TMEM44: variants seen among roughly 807,000 people sequenced by gnomAD.
TMEM44 encodes the protein transmembrane protein 44.
Under a neutral mutation model 47.8 loss-of-function variants are expected in TMEM44, and 43 were observed. That is an observed-to-expected ratio of 0.90 (90% CI 0.70 to 1.16). The LOEUF (loss-of-function observed/expected upper bound fraction) is 1.16, where lower values mean the gene tolerates loss of function less well. Ranked by LOEUF, TMEM44 falls within the 50% of genes most tolerant of loss-of-function variation. The pLI is 0.00. For missense variants in TMEM44, 568 were observed against 555.2 expected (o/e 1.02, Z -0.23); for synonymous variants, 277 against 238.8 (o/e 1.16, Z -1.48).
chr3:194,622,445 G>C (rs1039296636), intron 5 of TMEM44: 2 of 152,092 alleles, frequency 1.3e-5, no homozygotes, highest in Non-Finnish European at 2.9e-5. Flanking sequence ...GCTCCCGGAG[G>C]GCAAGCGCTC....
intron 5 of TMEM44, among the ~76,000 whole-genome samples, chr3:194,619,046 C>A (rs573315375): frequency 2.0e-5 from 3 of 152,324 alleles, no homozygotes; most frequent in South Asian, 4.1e-4. Context: ...GTGCTTGGGG[C>A]CCCCCGACCT....
intron 5 of TMEM44, among the ~76,000 whole-genome samples, chr3:194,621,997 C>T (rs1716593745): frequency 6.6e-6 from 1 of 152,230 alleles, no homozygotes; most frequent in Non-Finnish European, 1.5e-5. Context: ...CAGGCATGAG[C>T]CACCGCACCC....
intron 4 of TMEM44, 57 bp downstream of exon 4, chr3:194,623,472 G>A: frequency 6.5e-7 from 1 of 1,530,990 alleles, no homozygotes; most frequent in Non-Finnish European, 8.8e-7. Flanking sequence ...ATCCCACCCT[G>A]GGCATTTGGC....
At position 194,623,579 on chromosome 3, in the gene TMEM44, A is replaced by G; in HGVS notation, c.475T>C (p.Ser159Pro). 1 of 1,610,356 alleles carries G rather than the reference A, an allele frequency of 6.2e-7. No individual in the cohort carries two copies. The highest frequency in any genetic ancestry group is 1.1e-5 in the South Asian group (1 of 90,898). ...WALWVAVPKA[S>P]ATIRGPQRRL... ...CGCTGTGGCCCCCGGATGGTGGCTGAAGCCTTCGGGACAGCAACCCACAGA... is the reference window on the plus strand; with the variant it reads ...CGCTGTGGCCCCCGGATGGTGGCTGGAGCCTTCGGGACAGCAACCCACAGA... The change falls in exon 4 of 10, where the codon TCA becomes CCA. Residue 159 changes from serine (S) to proline (P), a missense_variant. Ser to Pro is a moderately conservative substitution (Grantham distance 74, BLOSUM62 -1). Transcript: ENST00000347147.
chr3:194,593,008 C>T (rs751085763), intron 9 of TMEM44: 4 of 1,613,262 alleles, frequency 2.5e-6, no homozygotes, highest in Admixed American at 3.3e-5. Context: ...TAGGAAGTCC[C>T]TCCTGGAAGA....
chr3:194,612,638 A>T (rs1296759773), intron 7 of TMEM44, among the ~76,000 whole-genome samples: 1 of 152,098 alleles, frequency 6.6e-6, no homozygotes, highest in African/African-American at 2.4e-5. Context: ...AAAAATTGAA[A>T]TCTTAGAAAA....
At chr3:194,603,636 G>A (rs950429692) in intron 9 of TMEM44, among the ~76,000 whole-genome samples, 8 of 152,128 alleles carry the variant, frequency 5.3e-5, no homozygotes, top group Non-Finnish European at 8.8e-5. Context: ...GATCTCAGGT[G>A]ATCTGCCTGC....
intron 4 of TMEM44, 101 bp downstream of exon 4, chr3:194,623,428 G>C (rs111385079): frequency 1.9e-5 from 28 of 1,508,412 alleles, no homozygotes; most frequent in African/African-American, 1.1e-4. Flanking sequence ...TCCAACAAAG[G>C]AAGGCTTAAC....
intron 6 of TMEM44, chr3:194,616,358 G>A (rs910317253): frequency 1.2e-5 from 4 of 325,110 alleles, no homozygotes; most frequent in Non-Finnish European, 2.4e-5. Context: ...GGCCCAGACT[G>A]TGACCTTATT....
In TMEM44 at chr3:194,611,354, C is replaced by T. The variant is rs1411761768; in HGVS notation, c.913-334G>A. Among the ~76,000 whole-genome samples, 4 of 152,140 alleles carry T rather than the reference C, an allele frequency of 2.6e-5. No homozygotes were observed. Among genetic ancestry groups the T allele is most frequent in the African/African-American group, 9.7e-5 (4 of 41,426 alleles). On this transcript the variant is annotated intron_variant, in intron 7 of 9. Coordinates refer to ENST00000347147, the MANE Select transcript of TMEM44 (RefSeq NM_001011655.3). This position sits in a 1 kb window ranked among gnomAD's most constrained non-coding sequence, Gnocchi z 4.2. The stretch of plus-strand genomic sequence containing the variant: ...AGTGATCCACGAGTGATCCTCCCAC[C>T]TCGGCCTCCCAAAGTGCTGGGATGA...
At position 194,623,203 on chromosome 3, in the gene TMEM44, C is replaced by A. The variant is rs753799795; in HGVS notation, c.612+21G>T. 3.2e-5 allele frequency: 51 copies of A among 1,591,374 alleles called. 2 individuals carry two copies. In the South Asian group the frequency reaches 5.4e-4, roughly 17 times the overall value. Reference sequence around the variant, plus strand: ...GAGACTGTCATGTGACCCACAGTCCCATCCCCACCCCCGGCCTCACAATTC... The same window carrying A: ...GAGACTGTCATGTGACCCACAGTCCAATCCCCACCCCCGGCCTCACAATTC... On this transcript the variant is annotated intron_variant, in intron 5 of 9. Transcript: ENST00000347147.
intron 7 of TMEM44, among the ~76,000 whole-genome samples, chr3:194,613,460 G>A (rs1009232108): frequency 2.0e-5 from 3 of 151,798 alleles, no homozygotes; most frequent in African/African-American, 7.3e-5. Context: ...TTACAGGCAT[G>A]AGGCACCATG....
chr3:194,620,887 C>A (rs1037142336), intron 5 of TMEM44, among the ~76,000 whole-genome samples: 1 of 151,996 alleles, frequency 6.6e-6, no homozygotes, highest in African/African-American at 2.4e-5. Flanking sequence ...ATTAGCCGGG[C>A]GTGGTGGCGT....
intron 3 of TMEM44, among the ~76,000 whole-genome samples, chr3:194,625,043 G>A (rs1716992796): frequency 6.6e-6 from 1 of 151,946 alleles, no homozygotes; most frequent in Admixed American, 6.6e-5. Context: ...TTGAACAAGG[G>A]CCCAAGCACA....
chr3:194,604,401 G>C lies in TMEM44; in HGVS notation c.1062C>G (p.Ser354Arg). 3 of 1,540,284 alleles carry C rather than the reference G, an allele frequency of 1.9e-6. No homozygotes were observed. The highest frequency in any genetic ancestry group is 2.6e-6 in the Non-Finnish European group (3 of 1,138,992). ...GGTCCTGCAGGGACGCATCTCCGGCGCTCGTCTGCCCGTCACCTGGCAGCC... is the reference window on the plus strand; with the variant it reads ...GGTCCTGCAGGGACGCATCTCCGGCCCTCGTCTGCCCGTCACCTGGCAGCC... ...ATRLPGDGQT[S>R]AGDASLQDPP... The change falls in exon 9 of 10, where the codon AGC becomes AGG. Residue 354 changes from serine to arginine, a missense_variant. Ser to Arg is a moderately radical substitution (Grantham distance 110, BLOSUM62 -1). Transcript: ENST00000347147.
chr3:194,620,289 CAAAAAA>C, intron 5 of TMEM44, among the ~76,000 whole-genome samples: 1 of 55,026 alleles, frequency 1.8e-5, no homozygotes, highest in African/African-American at 6.5e-5. Flanking sequence ...AACTCCGACT[CAAAAAA>C]AAAAAAAAAA....
At chr3:194,606,408 A>C (rs1714781155) in intron 8 of TMEM44, among the ~76,000 whole-genome samples, 1 of 152,156 alleles carries the variant, frequency 6.6e-6, no homozygotes, top group Admixed American at 6.6e-5. Flanking sequence ...CTGTTTCCCC[A>C]CAGTCTTGCC....
chr3:194,589,336 C>T (rs957363870), intron 9 of TMEM44: 1 of 152,298 alleles, frequency 6.6e-6, no homozygotes, highest in Admixed American at 6.5e-5. Context: ...AATACCTCTT[C>T]CCCCAGGAAG....
At chr3:194,628,722 G>A (rs1039912102) in intron 1 of TMEM44, among the ~76,000 whole-genome samples, 2 of 152,174 alleles carry the variant, frequency 1.3e-5, no homozygotes, top group Admixed American at 1.3e-4. Context: ...GCTAGACCTC[G>A]TGAGATGTGA....
Sources: gnomAD v4.1 joint callset for allele counts (sites outside exome capture counted in the v4.1 genomes callset) on GRCh38, gnomAD v4.1.1 for gene constraint, Gnocchi (gnomAD v3.1) non-coding constraint, MANE v1.5 for transcripts, NCBI Gene and HGNC (gene_info 2026-07-23, HGNC 2026-07-21) for gene names.